Variants in GABRB3 observed in about 807,000 individuals in gnomAD.
The protein encoded by GABRB3 is gamma-aminobutyric acid type A receptor subunit beta3.
Under a neutral mutation model 52.1 loss-of-function variants are expected in GABRB3, and 14 were observed. That is an observed-to-expected ratio of 0.27 (90% CI 0.18 to 0.42). The LOEUF is 0.42. Ranked by LOEUF, GABRB3 falls within the 10% of genes least tolerant of loss-of-function variation. The pLI is 1.00. For missense variants in GABRB3, 307 were observed against 609.1 expected (o/e 0.50, Z 5.22); for synonymous variants, 260 against 232.3 (o/e 1.12, Z -1.08).
At position 26,681,138 on chromosome 15, in the gene GABRB3, TAAA is replaced by T. The variant is rs547981462; in HGVS notation, c.241-59607_241-59605del. ...TCAATCTTTTGGATGTGATGAGAAA[TAAA>T]CAAACCAACCAACCAGCGGCATTTC... On this transcript the variant is annotated intron_variant, in intron 3 of 8. Transcript: ENST00000311550. Among the ~76,000 whole-genome samples the T allele has an allele frequency of 7.5e-3, 1,136 of 152,222 alleles. 31 individuals carry two copies. Among genetic ancestry groups the T allele is most frequent in the Admixed American group, 0.05 (772 of 15,290 alleles).
At chr15:26,574,909 A>C (rs1444942907) in intron 6 of GABRB3, among the ~76,000 whole-genome samples, 1 of 152,232 alleles carries the variant, frequency 6.6e-6, no homozygotes, top group African/African-American at 2.4e-5. Context: ...CAATAGATCC[A>C]TTATAAGGAA....
intron 6 of GABRB3, 51 bp from the exon 7 acceptor site, chr15:26,567,784 A>C: frequency 1.3e-6 from 2 of 1,584,622 alleles, no homozygotes; most frequent in Non-Finnish European, 1.7e-6. Flanking sequence ...ATGGCAGACT[A>C]AAGAGTTTGC....
At chr15:26,722,391 C>CCCT (rs1182948709) in intron 3 of GABRB3, among the ~76,000 whole-genome samples, 1 of 152,140 alleles carries the variant, frequency 6.6e-6, no homozygotes, top group Non-Finnish European at 1.5e-5. Context: ...AACACTGAGG[C>CCCT]CCTCCAGTTG....
In GABRB3 at chr15:26,681,557, T is replaced by TA. The variant is rs1888241013; in HGVS notation, c.241-60024dup. Among the ~76,000 whole-genome samples the TA allele has an allele frequency of 2.0e-5, 3 of 152,162 alleles. No individual in the cohort carries two copies. The South Asian group carries it at 6.2e-4, about 32-fold the overall frequency. ...TTCTCGATGTTTTCAAGAGTTGAGATATATATAATTTTCCATGTTACAAAA... is the reference window on the plus strand; with the variant it reads ...TTCTCGATGTTTTCAAGAGTTGAGATAATATATAATTTTCCATGTTACAAAA... On this transcript the variant is annotated intron_variant, in intron 3 of 8. Transcript: ENST00000311550.
intron 3 of GABRB3, among the ~76,000 whole-genome samples, chr15:26,705,556 A>T (rs1889072529): frequency 6.6e-6 from 1 of 152,224 alleles, no homozygotes; most frequent in South Asian, 2.1e-4. Context: ...GTGTTGATAC[A>T]ACTCAAACAT....
chr15:26,696,360 C>T (rs1222994096), intron 3 of GABRB3, among the ~76,000 whole-genome samples: 1 of 151,536 alleles, frequency 6.6e-6, no homozygotes, highest in Non-Finnish European at 1.5e-5. Flanking sequence ...ATAGGTACTA[C>T]TGCTATTACT....
At chr15:26,568,671 T>TG (rs1225698891) in intron 6 of GABRB3, among the ~76,000 whole-genome samples, 4 of 134,088 alleles carry the variant, frequency 3.0e-5, no homozygotes, top group South Asian at 2.9e-4. Flanking sequence ...CTAGGTTTTT[T>TG]TTTTTTTTTT....
At chr15:26,617,413 C>T (rs1432260644) in intron 4 of GABRB3, among the ~76,000 whole-genome samples, 2 of 151,540 alleles carry the variant, frequency 1.3e-5, no homozygotes, top group African/African-American at 4.9e-5. Context: ...AAGAAAAAAA[C>T]CACATGATTA....
At chr15:26,567,545 C>G in intron 7 of GABRB3, 36 bp downstream of exon 7, 1 of 1,603,298 alleles carries the variant, frequency 6.2e-7, no homozygotes, top group Non-Finnish European at 8.5e-7. Flanking sequence ...GATACGGTTA[C>G]TTTACATTTA....
chr15:26,566,406 A>C (rs1890175380), intron 7 of GABRB3, among the ~76,000 whole-genome samples: 1 of 152,150 alleles, frequency 6.6e-6, no homozygotes, highest in African/African-American at 2.4e-5. Context: ...CACGTTATTC[A>C]ATTTAAAGTC....
At chr15:26,678,432 A>G (rs1400700699) in intron 3 of GABRB3, among the ~76,000 whole-genome samples, 1 of 152,192 alleles carries the variant, frequency 6.6e-6, no homozygotes, top group Non-Finnish European at 1.5e-5. Context: ...GATCCTGGCA[A>G]CAGCCTGCCC....
intron 3 of GABRB3, among the ~76,000 whole-genome samples, chr15:26,733,257 T>C (rs1374750378): frequency 6.6e-6 from 1 of 151,384 alleles, no homozygotes; most frequent in African/African-American, 2.4e-5. Flanking sequence ...AAATACATAC[T>C]ACACACACAT....
intron 5 of GABRB3, among the ~76,000 whole-genome samples, chr15:26,583,044 T>C (rs1010361098): frequency 6.6e-6 from 1 of 152,140 alleles, no homozygotes; most frequent in African/African-American, 2.4e-5. Context: ...ATGAAGCATA[T>C]TGTAGGAAAA....
intron 3 of GABRB3, among the ~76,000 whole-genome samples, chr15:26,633,992 G>A (rs1892976530): frequency 6.6e-6 from 1 of 152,172 alleles, no homozygotes; most frequent in South Asian, 2.1e-4. Flanking sequence ...ACAACAAAGT[G>A]ACTCCTCCAT....
At chr15:26,773,221 G>T (rs1595364353), upstream of GABRB3, 1 of 175,898 alleles carries the variant, frequency 5.7e-6, no homozygotes, top group East Asian at 1.7e-4. Flanking sequence ...CGCGCACCCT[G>T]CCCTCCCCCA....
Position 26,548,026 on chromosome 15 carries a change from T to G in GABRB3, c.1189A>C (p.Asn397His), listed in dbSNP as rs2140645663. ...DTRNSAISFD[N>H]SGIQYRKQSM... ...TGTTTCCTGTACTGGATTCCTGAGT[T>G]GTCAAAGGATATTGCTGAATTCCTG... The change falls in exon 9 of 9, where the codon AAC becomes CAC. Residue 397 changes from asparagine to histidine, a missense_variant. Asn to His is a moderately conservative substitution (Grantham distance 68). Transcript: ENST00000311550. The G allele has an allele frequency of 6.2e-7, 1 of 1,614,186 alleles. No individual in the cohort carries two copies. Among genetic ancestry groups the G allele is most frequent in the Non-Finnish European group, 8.5e-7 (1 of 1,180,030 alleles).
chr15:26,598,883 A>G (rs958726473), intron 4 of GABRB3, among the ~76,000 whole-genome samples: 1 of 152,230 alleles, frequency 6.6e-6, no homozygotes, highest in Non-Finnish European at 1.5e-5. Context: ...TATACTAGCC[A>G]CAAAGCTGAT....
chr15:26,598,316 C>T (rs1200749091), intron 4 of GABRB3, among the ~76,000 whole-genome samples: 4 of 151,798 alleles, frequency 2.6e-5, no homozygotes, highest in African/African-American at 7.3e-5. Flanking sequence ...AGAGGATTAC[C>T]CATCAACATA....
chr15:26,677,555 C>G (rs1338790646), intron 3 of GABRB3, among the ~76,000 whole-genome samples: 4 of 152,116 alleles, frequency 2.6e-5, no homozygotes, highest in African/African-American at 9.7e-5. Flanking sequence ...AAGATACCAC[C>G]CACCCAATTT....
Sources: allele counts gnomAD v4.1 joint callset (sites outside exome capture counted in the v4.1 genomes callset), GRCh38; gene constraint gnomAD v4.1.1; transcripts MANE v1.5; gene names NCBI Gene and HGNC (gene_info 2026-07-23, HGNC 2026-07-21).